Variants in ATG7 observed in about 807,000 individuals in gnomAD.
ATG7 encodes the protein ubiquitin-like modifier-activating enzyme ATG7.
Under a neutral mutation model 82.4 loss-of-function variants are expected in ATG7, and 70 were observed. The observed-to-expected ratio is 0.85, with a 90% CI of 0.70 to 1.04. The LOEUF is 1.04. Ranked by LOEUF, ATG7 falls within the 50% of genes least tolerant of loss-of-function variation. The probability of loss-of-function intolerance (pLI) is 0.00; values close to 1 mark genes in which losing one functional copy is unlikely to be tolerated. For missense variants in ATG7, 792 were observed against 864.3 expected, an observed-to-expected ratio of 0.92 and a Z score of 1.05; for synonymous variants, 287 against 313.0, an observed-to-expected ratio of 0.92 and a Z score of 0.88.
intron 14 of ATG7, among the ~76,000 whole-genome samples, chr3:11,354,998 C>G (rs1347189857): frequency 1.3e-5 from 2 of 152,190 alleles, no homozygotes; most frequent in Non-Finnish European, 2.9e-5. Context: ...GAGGAAACAA[C>G]CAGAATTCAG....
chr3:11,533,797 G>A (rs1258213672), intron 20 of ATG7, among the ~76,000 whole-genome samples: 1 of 152,102 alleles, frequency 6.6e-6, no homozygotes, highest in African/African-American at 2.4e-5. Context: ...ACAGAAAAGA[G>A]TAAAACAAAA....
At chr3:11,468,398 C>T (rs567900298) in intron 20 of ATG7, among the ~76,000 whole-genome samples, 8 of 152,234 alleles carry the variant, frequency 5.3e-5, no homozygotes, top group Non-Finnish European at 1.0e-4. Flanking sequence ...CTCGCCTATC[C>T]TCCTCCCCAC....
rs746005139 is a variant in ATG7, at chr3:11,433,405, TAG to T, written c.2079+6482_2079+6483del. Among the ~76,000 whole-genome samples, 13 of 152,168 alleles carry T rather than the reference TAG, an allele frequency of 8.5e-5. No individual in the cohort carries two copies. The East Asian group carries it at 1.5e-3, about 18-fold the overall frequency. On this transcript the variant is annotated intron_variant, in intron 20 of 20. Coordinates refer to ENST00000693202, the MANE Select transcript of ATG7 (RefSeq NM_001349232.2). ...AAAAATTTGCTGTGACTTACCTTCT[TAG>T]AGTTATTTCTCATCCTATGAGTAGA...
intron 4 of ATG7, 35 bp downstream of exon 4, chr3:11,298,890 C>T (rs1946361731): frequency 6.2e-7 from 1 of 1,610,052 alleles, no homozygotes; most frequent in African/African-American, 1.3e-5. Context: ...CCATCATCTT[C>T]TGTTATCCTC....
At chr3:11,421,325 G>A (rs2081925674) in intron 19 of ATG7, among the ~76,000 whole-genome samples, 1 of 152,168 alleles carries the variant, frequency 6.6e-6, no homozygotes, top group South Asian at 2.1e-4. Flanking sequence ...TTAAAAATTG[G>A]AGTTGTCCTC....
chr3:11,564,820 G>A, the ATG7 span: 2 of 1,581,878 alleles, frequency 1.3e-6, no homozygotes, highest in Non-Finnish European at 1.7e-6. Context: ...CCCGGGGTCA[G>A]TGTGGGCGAG....
In ATG7 at chr3:11,362,882, G is replaced by T; in HGVS notation, c.1753G>T (p.Ala585Ser). Residue 585 changes from alanine (A) to serine (S), a missense_variant, in exon 17 of 21, where the codon GCC (alanine) becomes TCC (serine). Transcript: ENST00000693202. ...TCCAGGACTGGCCGTGATTGCAGGA[G>T]CCCTGGCCGTGGAATTGATGGTATC... is the stretch of plus-strand genomic sequence containing the variant. ...SRPGLAVIAG[A>S]LAVELMVSVL... 1 of 1,614,112 alleles carries T rather than the reference G, an allele frequency of 6.2e-7. No individual in the cohort carries two copies. Among genetic ancestry groups the T allele is most frequent in the South Asian group, 1.1e-5 (1 of 91,076 alleles).
chr3:11,456,999 G>T (rs1367176529), intron 20 of ATG7, among the ~76,000 whole-genome samples: 1 of 152,190 alleles, frequency 6.6e-6, no homozygotes, highest in Non-Finnish European at 1.5e-5. Context: ...TGAACAGTCA[G>T]TTGTGGAGTA....
At chr3:11,491,626 T>A (rs2090364544) in intron 20 of ATG7, among the ~76,000 whole-genome samples, 1 of 152,160 alleles carries the variant, frequency 6.6e-6, no homozygotes, top group Non-Finnish European at 1.5e-5. Flanking sequence ...GTCTTTGATG[T>A]TGGTGATGTA....
chr3:11,494,987 G>A (rs1043838851), intron 20 of ATG7, among the ~76,000 whole-genome samples: 4 of 152,040 alleles, frequency 2.6e-5, no homozygotes, highest in African/African-American at 2.4e-5. Flanking sequence ...CAGGAGAATC[G>A]CTTGAACCTG....
intron 10 of ATG7, 146 bp from the exon 11 acceptor site, chr3:11,332,826 G>C (rs1951844354): frequency 1.3e-6 from 1 of 780,350 alleles, no homozygotes; most frequent in Non-Finnish European, 1.8e-6. Context: ...AAAGAGTTAA[G>C]GCCATCTCCT....
intron 20 of ATG7, among the ~76,000 whole-genome samples, chr3:11,545,987 A>C (rs1297342128): frequency 6.6e-6 from 1 of 151,966 alleles, no homozygotes; most frequent in Non-Finnish European, 1.5e-5. Flanking sequence ...AAATATAAAA[A>C]ATTAGCTGGT....
intron 20 of ATG7, among the ~76,000 whole-genome samples, chr3:11,508,286 T>C (rs2091856197): frequency 6.7e-6 from 1 of 149,014 alleles, no homozygotes; most frequent in Non-Finnish European, 1.5e-5. Flanking sequence ...GTTGGAAGAA[T>C]AATTACCTTG....
At position 11,513,461 on chromosome 3, in the gene ATG7, G is replaced by A. The variant is rs866827915; in HGVS notation, c.2080-41350G>A. ...GGCCAGCACTGCTGGGGGACCCAGCGCACCCTCTGCAGCCGCTGGCCTGGG... is the reference window on the plus strand; with the variant it reads ...GGCCAGCACTGCTGGGGGACCCAGCACACCCTCTGCAGCCGCTGGCCTGGG... On this transcript the variant is annotated intron_variant, in intron 20 of 20. Transcript: ENST00000693202. Among the ~76,000 whole-genome samples the A allele has an allele frequency of 3.3e-4, 50 of 152,356 alleles. 2 individuals are homozygous for A. The Middle Eastern group carries it at 0.02, about 62-fold the overall frequency.
chr3:11,568,766 G>A, the ATG7 span: 5 of 1,497,846 alleles, frequency 3.3e-6, no homozygotes, highest in South Asian at 2.6e-5. The surrounding 1 kb of genome is among the most constrained non-coding windows in gnomAD (Gnocchi z 5.9). Flanking sequence ...GATGGAAGTC[G>A]CCTCCGCTCC....
At chr3:11,339,780 C>T (rs929781687) in intron 11 of ATG7, among the ~76,000 whole-genome samples, 1 of 152,156 alleles carries the variant, frequency 6.6e-6, no homozygotes, top group Non-Finnish European at 1.5e-5. Context: ...TGGAGAGCCA[C>T]GTAAGTGTGG....
At chr3:11,472,427 T>C (rs2087650999) in intron 20 of ATG7, among the ~76,000 whole-genome samples, 1 of 148,760 alleles carries the variant, frequency 6.7e-6, no homozygotes, top group Non-Finnish European at 1.5e-5. Flanking sequence ...CCTGTCACTA[T>C]GGTAGAGGAA....
intron 19 of ATG7, among the ~76,000 whole-genome samples, chr3:11,408,465 T>C (rs73122106): frequency 0.077 from 11,690 of 152,252 alleles, 1,340 homozygotes; most frequent in African/African-American, 0.25. Context: ...ACATTTTGGG[T>C]ATCTTTTCAG....
intron 13 of ATG7, among the ~76,000 whole-genome samples, chr3:11,345,523 C>G (rs1422425521): frequency 6.6e-6 from 1 of 152,126 alleles, no homozygotes; most frequent in Non-Finnish European, 1.5e-5. Flanking sequence ...TACTGCTTTT[C>G]TAGCTTTAAA....
Sources: gnomAD v4.1 joint callset for allele counts (sites outside exome capture counted in the v4.1 genomes callset) on GRCh38, gnomAD v4.1.1 for gene constraint, Gnocchi (gnomAD v3.1) non-coding constraint, MANE v1.5 for transcripts, NCBI Gene and HGNC (gene_info 2026-07-23, HGNC 2026-07-21) for gene names.